ERC2: variants seen among roughly 807,000 people sequenced by gnomAD.
ERC2 encodes ELKS/RAB6-interacting/CAST family member 2.
In ERC2, 42 loss-of-function variants were observed where a neutral mutation model predicts 114.8. The observed-to-expected ratio is 0.37, with a 90% CI of 0.29 to 0.47. The LOEUF is 0.47. Among genes scored for constraint, ERC2 ranks in the 20% least tolerant of loss-of-function variants. ERC2 has a pLI of 0.99. For missense variants in ERC2, 939 were observed against 1,150.7 expected, an observed-to-expected ratio of 0.82 and a Z score of 2.66; for synonymous variants, 454 against 425.5, an observed-to-expected ratio of 1.07 and a Z score of -0.82.
intron 16 of ERC2, among the ~76,000 whole-genome samples, chr3:55,684,307 A>C (rs749232497): frequency 6.7e-6 from 1 of 148,860 alleles, no homozygotes; most frequent in Non-Finnish European, 1.5e-5. Flanking sequence ...AAGAATTAAA[A>C]ACACACACAC....
At chr3:56,029,202 T>C (rs969415744) in intron 7 of ERC2, among the ~76,000 whole-genome samples, 1 of 152,082 alleles carries the variant, frequency 6.6e-6, no homozygotes, top group Admixed American at 6.5e-5. Flanking sequence ...ATTTATGTAA[T>C]ATTTTGTTGG....
chr3:56,255,494 T>C (rs1199580748), intron 3 of ERC2, among the ~76,000 whole-genome samples: 3 of 152,168 alleles, frequency 2.0e-5, no homozygotes, highest in African/African-American at 7.2e-5. Context: ...AAGAGGCCTA[T>C]TGAATGTGCA....
intron 17 of ERC2, among the ~76,000 whole-genome samples, chr3:55,617,722 A>G (rs962632870): frequency 4.6e-5 from 7 of 152,188 alleles, no homozygotes; most frequent in African/African-American, 1.7e-4. Flanking sequence ...TCACCAATAA[A>G]AGGATAAAAG....
chr3:55,771,953 GA>G (rs2068237128), intron 14 of ERC2, among the ~76,000 whole-genome samples: 1 of 152,162 alleles, frequency 6.6e-6, no homozygotes, highest in African/African-American at 2.4e-5. Context: ...TTGGAGGGGT[GA>G]AATATCCATC....
chr3:56,119,765 G>A (rs143801936), intron 6 of ERC2, among the ~76,000 whole-genome samples: 266 of 152,300 alleles, frequency 1.7e-3, no homozygotes, highest in African/African-American at 5.9e-3. Flanking sequence ...TGAATCATTA[G>A]TAGTCACCTT....
intron 15 of ERC2, among the ~76,000 whole-genome samples, chr3:55,724,229 G>C (rs1465420079): frequency 6.6e-6 from 1 of 152,176 alleles, no homozygotes; most frequent in Non-Finnish European, 1.5e-5. Flanking sequence ...GGTGATGCAG[G>C]AAGAGATAAG....
At chr3:56,054,264 C>T (rs2075903382) in intron 7 of ERC2, among the ~76,000 whole-genome samples, 2 of 152,110 alleles carry the variant, frequency 1.3e-5, no homozygotes, top group South Asian at 4.2e-4. Context: ...ACACATGGGC[C>T]AGAGTGATGA....
chr3:56,036,419 G>T (rs1283755549), intron 7 of ERC2, among the ~76,000 whole-genome samples: 1 of 152,186 alleles, frequency 6.6e-6, no homozygotes, highest in Non-Finnish European at 1.5e-5. Context: ...AATCTGGAAG[G>T]AGTAAAATTG....
intron 8 of ERC2, among the ~76,000 whole-genome samples, chr3:56,012,742 A>G (rs2073041148): frequency 6.6e-6 from 1 of 152,200 alleles, no homozygotes; most frequent in Non-Finnish European, 1.5e-5. Flanking sequence ...ATACTACAAC[A>G]TATTTCTCCG....
rs185224159 is a variant in ERC2, at chr3:56,282,615, G to A, written c.1074+13404C>T. ...CCTACATCTCATAGAGTTGTTCTGA[G>A]GAGGAACTGAGTACAGCACTGAGCT... On this transcript the variant is annotated intron_variant, in intron 3 of 17. Transcript: ENST00000288221. Among the ~76,000 whole-genome samples the A allele has an allele frequency of 2.6e-5, 4 of 152,206 alleles. No homozygotes were observed. In the East Asian group the frequency reaches 7.7e-4, roughly 29 times the overall value.
At chr3:56,362,856 G>A (rs1341312799) in intron 2 of ERC2, among the ~76,000 whole-genome samples, 1 of 152,180 alleles carries the variant, frequency 6.6e-6, no homozygotes, top group East Asian at 1.9e-4. Flanking sequence ...TTATTGTAGT[G>A]TCTTTCTTGC....
intron 4 of ERC2, among the ~76,000 whole-genome samples, chr3:56,150,395 A>G (rs1170153181): frequency 6.6e-6 from 1 of 152,130 alleles, no homozygotes; most frequent in Non-Finnish European, 1.5e-5. Context: ...TAACATTGTC[A>G]TCATGTTAAA....
intron 14 of ERC2, among the ~76,000 whole-genome samples, chr3:55,840,720 A>C (rs2061094340): frequency 6.6e-6 from 1 of 152,144 alleles, no homozygotes; most frequent in African/African-American, 2.4e-5. Flanking sequence ...CCTGAACCGG[A>C]AACAATCCAA....
At chr3:55,815,905 T>G (rs551833031) in intron 14 of ERC2, among the ~76,000 whole-genome samples, 2 of 152,288 alleles carry the variant, frequency 1.3e-5, no homozygotes, top group Non-Finnish European at 2.9e-5. Context: ...GAAACGGAGC[T>G]CAGTCCCACT....
chr3:55,838,301 T>C (rs2060987615), intron 14 of ERC2, among the ~76,000 whole-genome samples: 1 of 152,086 alleles, frequency 6.6e-6, no homozygotes, highest in African/African-American at 2.4e-5. Flanking sequence ...AGACAAATTC[T>C]GTGTCATAGA....
intron 13 of ERC2, among the ~76,000 whole-genome samples, chr3:55,927,581 C>A (rs1414081741): frequency 3.3e-5 from 5 of 152,120 alleles, no homozygotes; most frequent in Non-Finnish European, 7.4e-5. Flanking sequence ...AGCATTTATC[C>A]TTTCTTTGTA....
chr3:56,149,797 A>G (rs2081324402), intron 4 of ERC2, among the ~76,000 whole-genome samples: 1 of 152,180 alleles, frequency 6.6e-6, no homozygotes, highest in Non-Finnish European at 1.5e-5. Flanking sequence ...ACTACCTTGC[A>G]GGGCAGTTCA....
intron 2 of ERC2, among the ~76,000 whole-genome samples, chr3:56,355,707 T>C (rs1306854454): frequency 6.6e-6 from 1 of 152,166 alleles, no homozygotes; most frequent in Non-Finnish European, 1.5e-5. Context: ...TGTAGGCAAA[T>C]ATTGCATTGT....
chr3:55,754,819 G>A (rs1228516287), intron 14 of ERC2, among the ~76,000 whole-genome samples: 1 of 151,938 alleles, frequency 6.6e-6, no homozygotes, highest in Non-Finnish European at 1.5e-5. Flanking sequence ...ATTCTTCACT[G>A]AAACTGAATT....
Sources: allele counts gnomAD v4.1 joint callset (sites outside exome capture counted in the v4.1 genomes callset), GRCh38; gene constraint gnomAD v4.1.1; transcripts MANE v1.5; gene names NCBI Gene and HGNC (gene_info 2026-07-23, HGNC 2026-07-21).